The following UGT2B11 variants were observed in gnomAD, a reference collection of about 807,000 sequenced individuals.
UGT2B11 encodes the protein UDP glucuronosyltransferase family 2 member B11.
A neutral mutation model predicts 51.7 loss-of-function variants in UGT2B11; 49 were observed. The ratio of observed to expected loss-of-function variants is 0.95; its 90% CI spans 0.75 to 1.20. The LOEUF is 1.20. Ranked by LOEUF, UGT2B11 falls within the 50% of genes most tolerant of loss-of-function variation. The pLI is 0.00. For synonymous variants in UGT2B11, 273 were observed against 209.0 expected (o/e 1.31, Z -2.64); for missense variants, 810 against 622.1 (o/e 1.30, Z -3.21).
At chr4:69,200,820 A>G in intron 5 of UGT2B11, 101 bp from the exon 6 acceptor site, 8 of 1,296,846 alleles carry the variant, frequency 6.2e-6, no homozygotes, top group Non-Finnish European at 8.2e-6. Flanking sequence ...AATTCAAAAT[A>G]AATGTCAAAG....
the UGT2B11 span, among the ~76,000 whole-genome samples, chr4:69,222,642 G>A: frequency 1.3e-5 from 2 of 152,170 alleles, no homozygotes; most frequent in South Asian, 4.1e-4. Flanking sequence ...TAGGACTTAA[G>A]GTCTGATCAA....
chr4:69,211,825 A>T (rs1234531607), intron 2 of UGT2B11, among the ~76,000 whole-genome samples: 9 of 151,506 alleles, frequency 5.9e-5, no homozygotes, highest in Admixed American at 5.9e-4. Flanking sequence ...ATCGTTTCAT[A>T]TATATTTATT....
Position 69,208,466 on chromosome 4 carries a change from A to C in UGT2B11, c.887T>G (p.Val296Gly). 1 of 1,609,180 alleles carries C rather than the reference A, an allele frequency of 6.2e-7. No individual in the cohort carries two copies. Among genetic ancestry groups the C allele is most frequent in the East Asian group, 2.2e-5 (1 of 44,748 alleles). The change falls in exon 3 of 6, where the codon GTA (valine) becomes GGA (glycine). Residue 296 changes from valine (V) to glycine (G), a missense_variant. Physicochemically the swap from Val to Gly is moderately radical, Grantham distance 109 (BLOSUM62 -3). Transcript: ENST00000446444. ...AACACCATTTTCTCCAGAGCTCTGT[A>C]CAAACTCCTCCATTTCCTGTGAAAA... is the stretch of plus-strand genomic sequence containing the variant. ...KPLPKEMEEF[V>G]QSSGENGVVV...
chr4:69,218,009 C>T (rs190578659), upstream of UGT2B11, among the ~76,000 whole-genome samples: 7,255 of 152,174 alleles, frequency 0.048, 210 homozygotes, highest in South Asian at 0.12. Flanking sequence ...CTAAAAGGTT[C>T]TGTCTGCTAA....
In UGT2B11 at chr4:69,204,622, G is replaced by A. The variant is rs1258248806; in HGVS notation, c.1118C>T (p.Thr373Ile). The change falls in exon 5 of 6, where the codon ACT becomes ATT. Residue 373 changes from threonine (T) to isoleucine (I), a missense_variant. By Grantham distance (89) the Thr-to-Ile change is moderately conservative. Transcript: ENST00000446444. ...ATAGATGCCATTGGCTCCACCATGAGTTATAAAAGCTCTGGTTTTTGGATG... is the reference window on the plus strand; with the variant it reads ...ATAGATGCCATTGGCTCCACCATGAATTATAAAAGCTCTGGTTTTTGGATG... ...LGHPKTRAFI[T>I]HGGANGIYEA... 1 of 1,611,774 alleles carries A rather than the reference G, an allele frequency of 6.2e-7. No homozygotes were observed. The highest frequency in any genetic ancestry group is 1.3e-5 in the African/African-American group (1 of 74,734).
Position 69,207,565 on chromosome 4 carries a change from G to A in UGT2B11, c.1002+786C>T, listed in dbSNP as rs186316764. Among the ~76,000 whole-genome samples the A allele has an allele frequency of 1.6e-3, 244 of 151,580 alleles. 1 individual carries two copies. Among genetic ancestry groups the A allele is most frequent in the Non-Finnish European group, 2.8e-3 (192 of 67,710 alleles). On this transcript the variant is annotated intron_variant, in intron 3 of 5. Coordinates refer to ENST00000446444, the MANE Select transcript of UGT2B11 (RefSeq NM_001073.3). ...TATTTCCTTCTGCTGCCTCCATTGG[G>A]AGGAGTTGTTAATCTGGTAGTTAGT...
At chr4:69,203,721 T>C (rs1261034409) in intron 5 of UGT2B11, among the ~76,000 whole-genome samples, 1 of 151,644 alleles carries the variant, frequency 6.6e-6, no homozygotes, top group African/African-American at 2.4e-5. Flanking sequence ...CAACAAAAAA[T>C]TAGGCTATGT....
rs1174268784 is a variant in UGT2B11 at position 69,200,568 on chromosome 4, A to C, written c.1462T>G (p.Tyr488Asp). ...VAAHDLTWFQ[Y>D]HSLDVIGFLL... ...AACCCAATCACATCCAAAGAGTGGT[A>C]CTGGAACCAGGTGAGGTCATGGGCT... Residue 488 changes from tyrosine (Y) to aspartate (D), a missense_variant, in exon 6 of 6, where the codon TAC (tyrosine) becomes GAC (aspartate). Coordinates refer to ENST00000446444, the MANE Select transcript of UGT2B11 (RefSeq NM_001073.3). 6.2e-7 allele frequency: 1 copy of C among 1,612,338 alleles called. No homozygotes were observed. Among genetic ancestry groups the C allele is most frequent in the Non-Finnish European group, 8.5e-7 (1 of 1,179,020 alleles).
chr4:69,200,308 GAA>G lies in UGT2B11; in HGVS notation c.*130_*131del, dbSNP rs377302567. 7.7e-6 allele frequency: 8 copies of G among 1,045,320 alleles called. No individual in the cohort carries two copies. Among genetic ancestry groups the G allele is most frequent in the Non-Finnish European group, 9.9e-6 (8 of 810,946 alleles). The allele number at this position is 1,045,320 out of a possible 1,614,324, so 64.8% of individuals were successfully genotyped here. The stretch of plus-strand genomic sequence containing the variant: ...AATTTTTACTTGACAAGGTAGATTT[GAA>G]AATTTTTTTTTTTTTTTTTTTTTTG... On this transcript the variant is annotated 3_prime_UTR_variant, in exon 6 of 6. Transcript: ENST00000446444.
intron 3 of UGT2B11, among the ~76,000 whole-genome samples, chr4:69,206,056 G>T (rs1721843982): frequency 6.6e-6 from 1 of 151,576 alleles, no homozygotes; most frequent in East Asian, 2.0e-4. Flanking sequence ...CATTGTGGAA[G>T]ACAGTGTGGC....
At chr4:69,209,660 G>T (rs1721984136) in intron 2 of UGT2B11, among the ~76,000 whole-genome samples, 1 of 151,624 alleles carries the variant, frequency 6.6e-6, no homozygotes. Context: ...ACATTAACGT[G>T]AGAGTCCTTG....
chr4:69,223,164 T>C, the UGT2B11 span, among the ~76,000 whole-genome samples: 1 of 152,202 alleles, frequency 6.6e-6, no homozygotes, highest in Non-Finnish European at 1.5e-5. Flanking sequence ...CTCCATTTTG[T>C]AAGGAATACT....
rs776740489 is a variant in UGT2B11, at chr4:69,205,507, T to G, written c.1063A>C (p.Lys355Gln). ...DALGLNTRLYKWIPQNDLLGH... is the reference protein window; with the variant it reads ...DALGLNTRLYQWIPQNDLLGH... Reference sequence around the variant, plus strand: ...AGAAGGTCATTCTGGGGTATCCACTTGTACAGCCGAGTATTGAGACCTAAG... The same window carrying G: ...AGAAGGTCATTCTGGGGTATCCACTGGTACAGCCGAGTATTGAGACCTAAG... The change falls in exon 4 of 6, where the codon AAG becomes CAG. Residue 355 changes from lysine to glutamine, a missense_variant. Coordinates refer to ENST00000446444, the MANE Select transcript of UGT2B11 (RefSeq NM_001073.3). 6.2e-7 allele frequency: 1 copy of G among 1,610,668 alleles called. No individual in the cohort carries two copies. Among genetic ancestry groups the G allele is most frequent in the Non-Finnish European group, 8.5e-7 (1 of 1,177,938 alleles).
At chr4:69,224,980 A>G in the UGT2B11 span, among the ~76,000 whole-genome samples, 6 of 152,324 alleles carry the variant, frequency 3.9e-5, no homozygotes, top group African/African-American at 1.4e-4. Flanking sequence ...AGTTTTATCT[A>G]CTTTATAACC....
upstream of UGT2B11, chr4:69,215,530 T>A (rs1047852023): frequency 6.6e-6 from 1 of 152,086 alleles, no homozygotes; most frequent in African/African-American, 2.4e-5. Context: ...ATTTATAAGT[T>A]GATAGATATT....
intron 3 of UGT2B11, among the ~76,000 whole-genome samples, chr4:69,207,710 A>G (rs1314253771): frequency 6.6e-6 from 1 of 151,608 alleles, no homozygotes; most frequent in African/African-American, 2.4e-5. Flanking sequence ...TTGTTGTCAC[A>G]TATTTCACAT....
At chr4:69,222,372 T>A in the UGT2B11 span, among the ~76,000 whole-genome samples, 1 of 152,200 alleles carries the variant, frequency 6.6e-6, no homozygotes, top group African/African-American at 2.4e-5. Context: ...CCTTTCCCTT[T>A]GTAATTGTGG....
intron 5 of UGT2B11, among the ~76,000 whole-genome samples, chr4:69,201,485 G>A (rs541598803): frequency 2.6e-5 from 4 of 151,818 alleles, no homozygotes; most frequent in East Asian, 2.0e-4. Flanking sequence ...ACCCTACATC[G>A]TAAGACACTG....
At chr4:69,220,120 C>T in the UGT2B11 span, among the ~76,000 whole-genome samples, 1 of 152,200 alleles carries the variant, frequency 6.6e-6, no homozygotes, top group Non-Finnish European at 1.5e-5. Context: ...AAAGGGGCTA[C>T]AGGCTCCATG....
Sources: allele counts gnomAD v4.1 joint callset (sites outside exome capture counted in the v4.1 genomes callset), GRCh38; gene constraint gnomAD v4.1.1; transcripts MANE v1.5; gene names NCBI Gene and HGNC (gene_info 2026-07-23, HGNC 2026-07-21).